Variants in YIF1B observed in about 807,000 individuals in gnomAD.
YIF1B encodes the protein Yip1 interacting factor homolog B, membrane trafficking protein.
In YIF1B, 24 loss-of-function variants were observed where a neutral mutation model predicts 34.6. That is an observed-to-expected ratio of 0.69 (90% CI 0.50 to 0.98). The LOEUF (loss-of-function observed/expected upper bound fraction) is 0.98, where lower values mean the gene tolerates loss of function less well. Ranked by LOEUF, YIF1B falls within the 50% of genes least tolerant of loss-of-function variation. The pLI is 0.00. For synonymous variants in YIF1B, 186 were observed against 184.8 expected (o/e 1.01, Z -0.05); for missense variants, 368 against 429.4 (o/e 0.86, Z 1.26).
intron 1 of YIF1B, 144 bp downstream of exon 1, chr19:38,315,716 C>G (rs1246286718): frequency 6.2e-7 from 1 of 1,609,358 alleles, no homozygotes; most frequent in Non-Finnish European, 8.5e-7. Flanking sequence ...GGGCCTCCTA[C>G]CCGAACCTGG....
intron 5 of YIF1B, 131 bp downstream of exon 5, chr19:38,308,661 A>G: frequency 2.7e-6 from 3 of 1,108,346 alleles, no homozygotes; most frequent in Non-Finnish European, 4.1e-6. Flanking sequence ...TGAGGGCTGT[A>G]TCTTGGGCCA....
At chr19:38,321,232 C>T (rs942580962), upstream of YIF1B, among the ~76,000 whole-genome samples, 2 of 152,212 alleles carry the variant, frequency 1.3e-5, no homozygotes, top group African/African-American at 4.8e-5. Context: ...CTGGCACCGC[C>T]ATCTGGGACT....
chr19:38,313,733 C>T (rs1046035471), intron 1 of YIF1B, among the ~76,000 whole-genome samples: 1 of 152,260 alleles, frequency 6.6e-6, no homozygotes, highest in Admixed American at 6.5e-5. Context: ...GCCACATGGC[C>T]TTTCAGGCCC....
rs1446524228 is a variant in YIF1B, at chr19:38,305,429, G to A, written c.868C>T (p.Arg290Cys). Residue 290 changes from arginine (R) to cysteine (C), a missense_variant, in exon 8 of 8, where the codon CGC becomes TGC. Arg to Cys is a radical substitution (Grantham distance 180). This residue lies in a region of YIF1B where 208 missense variants were observed against 247.8 expected (regional missense o/e 0.84). Transcript: ENST00000339413. The part of the protein sequence containing the change: ...VPVRGARNQL[R>C]MYLTMAVAAA... ...GCCACCGCCATGGTCAGGTACATGCGCAGCTGGTTCCGGGCCCCACGCACC... is the reference window on the plus strand; with the variant it reads ...GCCACCGCCATGGTCAGGTACATGCACAGCTGGTTCCGGGCCCCACGCACC... The A allele has an allele frequency of 1.2e-6, 2 of 1,610,626 alleles. No homozygotes were observed. Among genetic ancestry groups the A allele is most frequent in the Non-Finnish European group, 1.7e-6 (2 of 1,178,502 alleles).
intron 1 of YIF1B, among the ~76,000 whole-genome samples, chr19:38,311,235 C>T (rs959183344): frequency 6.6e-6 from 1 of 150,682 alleles, no homozygotes; most frequent in African/African-American, 2.4e-5. Context: ...TGCAGTGAGC[C>T]GAGACTGCAC....
At chr19:38,316,626 G>A (rs1015962086), upstream of YIF1B, among the ~76,000 whole-genome samples, 26 of 152,200 alleles carry the variant, frequency 1.7e-4, no homozygotes, top group African/African-American at 6.0e-4. Flanking sequence ...AAACATTTGT[G>A]TTCCTGAGGG....
intron 7 of YIF1B, among the ~76,000 whole-genome samples, chr19:38,306,121 C>T (rs1395851704): frequency 6.8e-6 from 1 of 148,102 alleles, no homozygotes; most frequent in African/African-American, 2.5e-5. Context: ...AGACTTGCTC[C>T]TGAACCCAAG....
chr19:38,321,815 G>T (rs566212270), upstream of YIF1B, among the ~76,000 whole-genome samples: 19 of 152,334 alleles, frequency 1.2e-4, no homozygotes, highest in African/African-American at 4.6e-4. Context: ...TGGGTCATGT[G>T]CACGCCTCCT....
At chr19:38,318,122 G>A (rs1044215895), upstream of YIF1B, among the ~76,000 whole-genome samples, 8 of 147,536 alleles carry the variant, frequency 5.4e-5, no homozygotes, top group African/African-American at 1.5e-4. Context: ...GAACCCAGGA[G>A]GCAGAGGTTG....
chr19:38,310,328 C>T (rs1600394281), intron 1 of YIF1B, among the ~76,000 whole-genome samples: 1 of 143,830 alleles, frequency 7.0e-6, no homozygotes, highest in Non-Finnish European at 1.5e-5. Flanking sequence ...TCCACCCACC[C>T]ACCCATCCAT....
At chr19:38,320,262 C>T (rs770374957), upstream of YIF1B, 9 of 1,606,322 alleles carry the variant, frequency 5.6e-6, no homozygotes, top group Admixed American at 1.7e-5. Flanking sequence ...GCACGCTGAT[C>T]ACCACCGTGG....
rs769781838 is a variant in YIF1B, at chr19:38,305,503, C to A, written c.794G>T (p.Arg265Leu). 5.0e-6 allele frequency: 8 copies of A among 1,602,510 alleles called. No homozygotes were observed. Among genetic ancestry groups the A allele is most frequent in the Non-Finnish European group, 6.8e-6 (8 of 1,171,910 alleles). ...TGCCAAGATCTTCAGCCGCAGCGTC[C>A]GGATCTGGGTGGGAAAGAGAGAGAG... is the stretch of plus-strand genomic sequence containing the variant. ...CCVAIFVFMI[R>L]TLRLKILADA... Residue 265 changes from arginine (R) to leucine (L), a missense_variant, in exon 8 of 8, where the codon CGG (arginine) becomes CTG (leucine). Arg to Leu is a moderately radical substitution (Grantham distance 102). This residue lies in a region of YIF1B where 208 missense variants were observed against 247.8 expected (regional missense o/e 0.84). Coordinates refer to ENST00000339413, the MANE Select transcript of YIF1B (RefSeq NM_001039672.3).
Position 38,304,518 on chromosome 19 carries a change from G to A in YIF1B, c.*834C>T, listed in dbSNP as rs1228404681. ...AAGTCGCCTCATCACCGGCTGCGGA[G>A]GGGCGGGAAGGCTGGGGTTGCCCCT... is the stretch of plus-strand genomic sequence containing the variant. On this transcript the variant is annotated 3_prime_UTR_variant, in exon 8 of 8. Coordinates refer to ENST00000339413, the MANE Select transcript of YIF1B (RefSeq NM_001039672.3). The A allele has an allele frequency of 1.3e-6, 2 of 1,564,420 alleles. No individual in the cohort carries two copies. Among genetic ancestry groups the A allele is most frequent in the South Asian group, 1.2e-5 (1 of 86,288 alleles).
At chr19:38,316,496 T>A (rs974178138), upstream of YIF1B, among the ~76,000 whole-genome samples, 3 of 152,122 alleles carry the variant, frequency 2.0e-5, no homozygotes, top group Admixed American at 1.3e-4. Context: ...AAACATTTTT[T>A]AAAATGTAAA....
chr19:38,307,170 T>G, intron 7 of YIF1B: 1 of 539,002 alleles, frequency 1.9e-6, no homozygotes, highest in Non-Finnish European at 3.5e-6. Flanking sequence ...GGAATGAGAG[T>G]GAGAGCCCAG....
Position 38,305,088 on chromosome 19 carries a change from C to A in YIF1B, c.*264G>T. ...CCAGCGCTGGGCCCGCCCATTCGTG[C>A]GCGAGGCCAAGGAGAGGCTGTCCAC... On this transcript the variant is annotated 3_prime_UTR_variant, in exon 8 of 8. Transcript: ENST00000339413. 1.3e-6 allele frequency: 2 copies of A among 1,494,390 alleles called. No homozygotes were observed. The highest frequency in any genetic ancestry group is 1.3e-5 in the South Asian group (1 of 76,084). 92.6% of individuals were successfully genotyped at this position (1,494,390 alleles called of 1,614,324 possible).
At chr19:38,311,905 T>C (rs953781104) in intron 1 of YIF1B, among the ~76,000 whole-genome samples, 3 of 152,152 alleles carry the variant, frequency 2.0e-5, no homozygotes, top group African/African-American at 2.4e-5. Flanking sequence ...AAGACCAGCC[T>C]GGCCAACATG....
Position 38,309,349 on chromosome 19 carries a change from T to C in YIF1B, c.298-21A>G, listed in dbSNP as rs370548948. The stretch of plus-strand genomic sequence containing the variant: ...TCGATCTGGGGAGGCAGAGCTCAAG[T>C]CTGAAGCCCTGTGGCCCCGTGCATC... On this transcript the variant is annotated intron_variant, in intron 2 of 7. Coordinates refer to ENST00000339413, the MANE Select transcript of YIF1B (RefSeq NM_001039672.3). 2.5e-6 allele frequency: 4 copies of C among 1,613,496 alleles called. No homozygotes were observed. In the African/African-American group the frequency reaches 5.3e-5, roughly 22 times the overall value.
chr19:38,308,933 A>G (rs1969184105), intron 4 of YIF1B, 46 bp downstream of exon 4: 12 of 1,612,624 alleles, frequency 7.4e-6, no homozygotes, highest in Non-Finnish European at 9.3e-6. Context: ...CGCTCCATAT[A>G]GGCCCGGAAG....
Sources: allele counts gnomAD v4.1 joint callset (sites outside exome capture counted in the v4.1 genomes callset), GRCh38; gene constraint gnomAD v4.1.1; regional missense constraint gnomAD v4.1.1; transcripts MANE v1.5; gene names NCBI Gene and HGNC (gene_info 2026-07-23, HGNC 2026-07-21).